CC2D2A: variants seen among roughly 807,000 people sequenced by gnomAD.
The protein encoded by CC2D2A is coiled-coil and C2 domain-containing protein 2A.
In CC2D2A, 155 loss-of-function variants were observed where a neutral mutation model predicts 212.9. That is an observed-to-expected ratio of 0.73 (90% CI 0.64 to 0.83). The LOEUF is 0.83. Among genes scored for constraint, CC2D2A ranks in the 40% least tolerant of loss-of-function variants. The pLI is 0.00. For synonymous variants in CC2D2A, 667 were observed against 686.5 expected, an observed-to-expected ratio of 0.97 and a Z score of 0.44; for missense variants, 1,856 against 1,956.2, an observed-to-expected ratio of 0.95 and a Z score of 0.97.
chr4:15,512,637 CT>C (rs1716631615), intron 8 of CC2D2A, among the ~76,000 whole-genome samples: 1 of 152,152 alleles, frequency 6.6e-6, no homozygotes, highest in Admixed American at 6.6e-5. Context: ...TATGAATTTA[CT>C]TAATGCCACT....
At chr4:15,587,033 G>A (rs1577396960) in intron 31 of CC2D2A, among the ~76,000 whole-genome samples, 1 of 152,212 alleles carries the variant, frequency 6.6e-6, no homozygotes, top group East Asian at 1.9e-4. Flanking sequence ...CTCTAGAGCA[G>A]CAGTCCCCTT....
intron 31 of CC2D2A, among the ~76,000 whole-genome samples, chr4:15,586,778 A>G (rs1259448708): frequency 6.6e-6 from 1 of 152,228 alleles, no homozygotes. Context: ...GTATGAAACA[A>G]GCATATATTA....
intron 11 of CC2D2A, among the ~76,000 whole-genome samples, chr4:15,521,114 A>G (rs1215101330): frequency 1.3e-5 from 2 of 152,206 alleles, no homozygotes; most frequent in African/African-American, 4.8e-5. Context: ...GAAGAAGTCC[A>G]AAGGGGCTGA....
At chr4:15,490,227 C>G (rs4423869) in intron 4 of CC2D2A, among the ~76,000 whole-genome samples, 1 of 152,066 alleles carries the variant, frequency 6.6e-6, no homozygotes, top group Non-Finnish European at 1.5e-5. Flanking sequence ...TATAAACATG[C>G]AATATCAAAC....
chr4:15,521,442 T>C (rs1470514278), intron 11 of CC2D2A, among the ~76,000 whole-genome samples: 1 of 152,176 alleles, frequency 6.6e-6, no homozygotes, highest in Non-Finnish European at 1.5e-5. Flanking sequence ...TTGCCAAAAA[T>C]AGCTTTTCCA....
At position 15,527,506 on chromosome 4, in the gene CC2D2A, T is replaced by C. The variant is rs764983506; in HGVS notation, c.1209T>C (p.Asn403=). The stretch of plus-strand genomic sequence containing the variant: ...TCAGATCTGGAGACCCTCCTGGAAA[T>C]TTCCAACTGGACATTGATATTTCAG... ...HVIRSGDPPG[N]FQLDIDISGL... Residue 403 remains asparagine, a synonymous_variant, in exon 12 of 37, where the codon AAT becomes AAC. Coordinates refer to ENST00000424120, the MANE Select transcript of CC2D2A (RefSeq NM_001378615.1). 6.2e-6 allele frequency: 10 copies of C among 1,613,720 alleles called. No individual in the cohort carries two copies. Among genetic ancestry groups the C allele is most frequent in the Non-Finnish European group, 8.5e-6 (10 of 1,179,738 alleles).
intron 8 of CC2D2A, among the ~76,000 whole-genome samples, chr4:15,513,311 C>A (rs374718720): frequency 6.6e-6 from 1 of 152,210 alleles, no homozygotes; most frequent in Non-Finnish European, 1.5e-5. Context: ...GTCTCAGGAG[C>A]CACATACTGT....
At chr4:15,570,821 G>A (rs527614190) in intron 28 of CC2D2A, among the ~76,000 whole-genome samples, 1 of 152,286 alleles carries the variant, frequency 6.6e-6, no homozygotes, top group Non-Finnish European at 1.5e-5. Flanking sequence ...CAGGGAGGCA[G>A]AGGTTGCAGT....
At chr4:15,481,569 C>G (rs981546661) in intron 4 of CC2D2A, 2 of 181,780 alleles carry the variant, frequency 1.1e-5, no homozygotes, top group Middle Eastern at 2.5e-3. Context: ...TGCTCCCTCT[C>G]TCACCATGCG....
chr4:15,508,274 CT>C (rs1716369417), intron 6 of CC2D2A, among the ~76,000 whole-genome samples: 1 of 152,196 alleles, frequency 6.6e-6, no homozygotes, highest in Non-Finnish European at 1.5e-5. Flanking sequence ...CACTTTCCAC[CT>C]GCTTTATTCT....
chr4:15,581,928 GA>G (rs1720681057), intron 30 of CC2D2A, among the ~76,000 whole-genome samples: 1 of 152,000 alleles, frequency 6.6e-6, no homozygotes, highest in Non-Finnish European at 1.5e-5. Context: ...TACAATGAAA[GA>G]TCATCAATGA....
intron 20 of CC2D2A, 58 bp from the exon 21 acceptor site, chr4:15,557,246 G>A (rs1050342540): frequency 1.6e-6 from 2 of 1,246,036 alleles, no homozygotes; most frequent in Admixed American, 2.2e-5. Flanking sequence ...TCAGTGCCAA[G>A]TTTCTTTGGA....
chr4:15,526,127 T>G (rs1349884519), intron 11 of CC2D2A, among the ~76,000 whole-genome samples: 1 of 152,180 alleles, frequency 6.6e-6, no homozygotes. Context: ...CATCCCAGAC[T>G]TCATGCTTTT....
At chr4:15,577,837 C>T (rs552899024) in intron 29 of CC2D2A, among the ~76,000 whole-genome samples, 13 of 152,194 alleles carry the variant, frequency 8.5e-5, no homozygotes, top group South Asian at 2.1e-4. Context: ...TCTCAAGTCC[C>T]TGATTGCTTA....
chr4:15,500,683 C>T (rs1031629529), intron 4 of CC2D2A, among the ~76,000 whole-genome samples: 4 of 152,158 alleles, frequency 2.6e-5, no homozygotes, highest in African/African-American at 9.7e-5. Context: ...CAGAAATGGG[C>T]TTTGAGGCTG....
At chr4:15,497,052 G>T (rs1715656806) in intron 4 of CC2D2A, among the ~76,000 whole-genome samples, 1 of 152,108 alleles carries the variant, frequency 6.6e-6, no homozygotes, top group Non-Finnish European at 1.5e-5. Context: ...CACAGAATTA[G>T]AAAAAACTAT....
rs534682728 is a variant in CC2D2A at position 15,555,122 on chromosome 4, C to T, written c.2537C>T (p.Thr846Ile). Residue 846 changes from threonine (T) to isoleucine (I), a missense_variant, in exon 20 of 37, where the codon ACA (threonine) becomes ATA (isoleucine). Around this residue, in one of 5 missense-constraint regions of CC2D2A, gnomAD observed 1,512 missense variants for 1,579.3 expected, o/e 0.96. Coordinates refer to ENST00000424120, the MANE Select transcript of CC2D2A (RefSeq NM_001378615.1). Reference protein sequence around the residue: ...AISSIGTSGLTDMKKLAKWAA... With the variant: ...AISSIGTSGLIDMKKLAKWAA... ...TCATCTATTGGCACATCAGGACTGA[C>T]AGACATGAAAAAATTGGCCAAGTGG... The T allele has an allele frequency of 4.3e-6, 7 of 1,613,790 alleles. No homozygotes were observed. The African/African-American group carries it at 9.3e-5, about 22-fold the overall frequency.
At chr4:15,505,158 G>A (rs1716186691) in intron 6 of CC2D2A, among the ~76,000 whole-genome samples, 1 of 152,192 alleles carries the variant, frequency 6.6e-6, no homozygotes, top group African/African-American at 2.4e-5. Flanking sequence ...GTTAGATGCT[G>A]TATACTCAGA....
intron 33 of CC2D2A, among the ~76,000 whole-genome samples, chr4:15,590,847 CT>C (rs1183778536): frequency 1.3e-5 from 2 of 152,188 alleles, no homozygotes; most frequent in African/African-American, 2.4e-5. Flanking sequence ...TGCGATTCTC[CT>C]ACCTCAGCCT....
Sources: allele counts gnomAD v4.1 joint callset (sites outside exome capture counted in the v4.1 genomes callset), GRCh38; gene constraint gnomAD v4.1.1; regional missense constraint gnomAD v4.1.1; transcripts MANE v1.5; gene names NCBI Gene and HGNC (gene_info 2026-07-23, HGNC 2026-07-21).